The following ITPR2 variants were observed in gnomAD, a reference collection of about 807,000 sequenced individuals.
The protein encoded by ITPR2 is inositol 1,4,5-trisphosphate-gated calcium channel ITPR2.
Under a neutral mutation model 317.1 loss-of-function variants are expected in ITPR2, and 207 were observed. The observed-to-expected ratio is 0.65, with a 90% CI of 0.58 to 0.73. The LOEUF is 0.73. Among genes scored for constraint, ITPR2 ranks in the 30% least tolerant of loss-of-function variants. The pLI is 0.00. For missense variants in ITPR2, 2,613 were observed against 3,284.0 expected, an observed-to-expected ratio of 0.80 and a Z score of 4.99; for synonymous variants, 1,156 against 1,149.1, an observed-to-expected ratio of 1.01 and a Z score of -0.12.
intron 55 of ITPR2, among the ~76,000 whole-genome samples, chr12:26,344,439 G>T (rs1938239742): frequency 6.6e-6 from 1 of 152,154 alleles, no homozygotes; most frequent in Non-Finnish European, 1.5e-5. Flanking sequence ...GGTTCCAAAA[G>T]AAACAGATGC....
chr12:26,449,771 G>T (rs1159613120), intron 45 of ITPR2, among the ~76,000 whole-genome samples: 1 of 152,024 alleles, frequency 6.6e-6, no homozygotes, highest in Non-Finnish European at 1.5e-5. Flanking sequence ...AGGACTAGAA[G>T]GTAATTGGGA....
chr12:26,794,087 A>G (rs938190433), intron 1 of ITPR2, among the ~76,000 whole-genome samples: 1 of 152,222 alleles, frequency 6.6e-6, no homozygotes, highest in African/African-American at 2.4e-5. Flanking sequence ...TCATAAGGTC[A>G]TAACTGTAAA....
chr12:26,487,344 C>G, intron 39 of ITPR2, 93 bp from the exon 40 acceptor site: 1 of 858,360 alleles, frequency 1.2e-6, no homozygotes, highest in Non-Finnish European at 1.8e-6. Context: ...TAGGCAAAAG[C>G]ACACACTTAA....
intron 32 of ITPR2, among the ~76,000 whole-genome samples, chr12:26,587,498 T>C (rs1945561537): frequency 6.6e-6 from 1 of 152,000 alleles, no homozygotes; most frequent in Non-Finnish European, 1.5e-5. Context: ...AAATGTACAG[T>C]TGCTGAGATA....
chr12:26,519,983 A>G (rs765956102), intron 37 of ITPR2, among the ~76,000 whole-genome samples: 22 of 152,234 alleles, frequency 1.4e-4, no homozygotes, highest in Non-Finnish European at 1.9e-4. Flanking sequence ...TAAGAAACCA[A>G]TAATAGTGAT....
intron 5 of ITPR2, among the ~76,000 whole-genome samples, chr12:26,718,200 C>T (rs535542971): frequency 1.3e-5 from 2 of 152,298 alleles, no homozygotes; most frequent in African/African-American, 4.8e-5. Context: ...GTTCCCTCCC[C>T]TCACCCCCCA....
At chr12:26,809,679 G>C (rs963993564) in intron 1 of ITPR2, among the ~76,000 whole-genome samples, 1 of 152,088 alleles carries the variant, frequency 6.6e-6, no homozygotes, top group Non-Finnish European at 1.5e-5. Flanking sequence ...GGGGCTTGGC[G>C]GGGGTTGGGG....
chr12:26,391,812 G>A (rs140116082), intron 54 of ITPR2, among the ~76,000 whole-genome samples: 2,161 of 151,916 alleles, frequency 0.014, 19 homozygotes, highest in Non-Finnish European at 0.024. Flanking sequence ...TTATATGCTC[G>A]CCTCGGCCTC....
chr12:26,782,037 T>TATATATATATAGAGAGAGAGAG (rs1950102369), intron 2 of ITPR2, among the ~76,000 whole-genome samples: 1 of 51,736 alleles, frequency 1.9e-5, no homozygotes, highest in African/African-American at 5.7e-5. Context: ...TATATATGTA[T>TATATATATATAGAGAGAGAGAG]AGAGAGAGAG....
chr12:26,633,093 G>A (rs756426956), intron 21 of ITPR2, among the ~76,000 whole-genome samples: 12 of 151,516 alleles, frequency 7.9e-5, no homozygotes, highest in Middle Eastern at 3.4e-3. Flanking sequence ...GTCTCAGGGC[G>A]TAAACCAAGA....
At chr12:26,449,775 A>G (rs1387697374) in intron 45 of ITPR2, among the ~76,000 whole-genome samples, 1 of 152,150 alleles carries the variant, frequency 6.6e-6, no homozygotes, top group Non-Finnish European at 1.5e-5. Context: ...CTAGAAGGTA[A>G]TTGGGAGCCA....
At chr12:26,745,794 CAT>C (rs1565733995) in intron 2 of ITPR2, among the ~76,000 whole-genome samples, 1 of 152,150 alleles carries the variant, frequency 6.6e-6, no homozygotes, top group Non-Finnish European at 1.5e-5. Flanking sequence ...GTTTCTCACT[CAT>C]AACTCAAATT....
intron 47 of ITPR2, 84 bp from the exon 48 acceptor site, chr12:26,436,430 C>T: frequency 8.4e-7 from 1 of 1,193,742 alleles, no homozygotes. Context: ...CAATATTTTA[C>T]TAAATGCATC....
At chr12:26,667,833 C>G (rs933170778) in intron 13 of ITPR2, among the ~76,000 whole-genome samples, 5 of 152,180 alleles carry the variant, frequency 3.3e-5, no homozygotes, top group Non-Finnish European at 7.3e-5. Flanking sequence ...ACAGATCGCT[C>G]TGTTTCAAAG....
intron 51 of ITPR2, among the ~76,000 whole-genome samples, chr12:26,413,462 C>T (rs1255058898): frequency 1.3e-5 from 2 of 152,168 alleles, no homozygotes; most frequent in East Asian, 3.8e-4. Context: ...GTCAACTTTG[C>T]AAGTAAATAG....
At chr12:26,543,766 C>A (rs1944321809) in intron 37 of ITPR2, among the ~76,000 whole-genome samples, 2 of 152,134 alleles carry the variant, frequency 1.3e-5, no homozygotes, top group South Asian at 4.1e-4. Context: ...AAGACTCTGT[C>A]TCAAAGAAAA....
chr12:26,597,188 T>G, intron 30 of ITPR2, 54 bp from the exon 31 acceptor site: 1 of 1,594,776 alleles, frequency 6.3e-7, no homozygotes, highest in Non-Finnish European at 8.6e-7. Flanking sequence ...ATCCTTGCAG[T>G]TATTTCCAAA....
At chr12:26,585,377 T>A (rs1488128118) in intron 32 of ITPR2, among the ~76,000 whole-genome samples, 1 of 152,216 alleles carries the variant, frequency 6.6e-6, no homozygotes, top group Non-Finnish European at 1.5e-5. Flanking sequence ...TTGTCAAATA[T>A]TAAATATTTA....
chr12:26,445,150 G>A (rs1389374052), intron 45 of ITPR2, among the ~76,000 whole-genome samples: 4 of 152,132 alleles, frequency 2.6e-5, no homozygotes, highest in Non-Finnish European at 5.9e-5. Flanking sequence ...GAAAGAAAGA[G>A]AATTAAGGAT....
Sources: gnomAD v4.1 joint callset for allele counts (sites outside exome capture counted in the v4.1 genomes callset) on GRCh38, gnomAD v4.1.1 for gene constraint, MANE v1.5 for transcripts, NCBI Gene and HGNC (gene_info 2026-07-23, HGNC 2026-07-21) for gene names.